The following SLC24A3 variants were observed in gnomAD, a reference collection of about 807,000 sequenced individuals.
SLC24A3 encodes the protein solute carrier family 24 member 3, also known as sodium/potassium/calcium exchanger 3.
Under a neutral mutation model 75.8 loss-of-function variants are expected in SLC24A3, and 28 were observed. That is an observed-to-expected ratio of 0.37 (90% CI 0.27 to 0.51). SLC24A3 has a LOEUF of 0.51. Ranked by LOEUF, SLC24A3 falls within the 20% of genes least tolerant of loss-of-function variation. The pLI is 0.94. For synonymous variants in SLC24A3, 372 were observed against 334.1 expected (o/e 1.11, Z -1.24); for missense variants, 663 against 847.8 (o/e 0.78, Z 2.71).
rs59506629 is a variant in SLC24A3 at position 19,422,192 on chromosome 20, C to G, written c.272-93296C>G. Among the ~76,000 whole-genome samples, 1,466 of 152,226 alleles carry G rather than the reference C, an allele frequency of 9.6e-3. 17 individuals are homozygous for G. Among genetic ancestry groups the G allele is most frequent in the African/African-American group, 0.033 (1,383 of 41,532 alleles). ...TCTCTGAGGGAATCTAAGTCTCCCC[C>G]ACATGGCCAGTAAATGGCAGAGCTC... On this transcript the variant is annotated intron_variant, in intron 2 of 16. Transcript: ENST00000328041.
intron 2 of SLC24A3, among the ~76,000 whole-genome samples, chr20:19,341,125 A>T (rs1194298683): frequency 6.6e-6 from 1 of 152,222 alleles, no homozygotes; most frequent in Non-Finnish European, 1.5e-5. Context: ...GAGGGGCTGA[A>T]CTAATTGGTC....
chr20:19,662,363 C>G (rs977166073), intron 7 of SLC24A3, among the ~76,000 whole-genome samples: 2 of 152,250 alleles, frequency 1.3e-5, no homozygotes, highest in African/African-American at 4.8e-5. Context: ...AGAGTGTTGA[C>G]CCCAGGACAG....
intron 2 of SLC24A3, among the ~76,000 whole-genome samples, chr20:19,361,287 G>A (rs554130545): frequency 1.3e-5 from 2 of 152,330 alleles, no homozygotes; most frequent in East Asian, 3.9e-4. Context: ...CCAGATCTTT[G>A]TTGGGAAAAG....
chr20:19,648,174 C>A (rs2032160516), intron 6 of SLC24A3, among the ~76,000 whole-genome samples: 1 of 152,118 alleles, frequency 6.6e-6, no homozygotes, highest in African/African-American at 2.4e-5. Context: ...GAGGAAAAAC[C>A]CACATCAGGC....
chr20:19,399,644 C>T (rs1235611132), intron 2 of SLC24A3, among the ~76,000 whole-genome samples: 1 of 152,088 alleles, frequency 6.6e-6, no homozygotes, highest in Non-Finnish European at 1.5e-5. Context: ...TTATTATAAT[C>T]GAGGCTAATT....
chr20:19,639,406 T>C (rs1053840772), intron 6 of SLC24A3, among the ~76,000 whole-genome samples: 32 of 152,218 alleles, frequency 2.1e-4, no homozygotes, highest in Non-Finnish European at 3.7e-4. Context: ...AGAGTGTCGA[T>C]TGGTGCATTC....
rs186793052 is a variant in SLC24A3 at position 19,249,818 on chromosome 20, T to C, written c.143-31141T>C. Among the ~76,000 whole-genome samples the C allele has an allele frequency of 3.9e-3, 587 of 152,330 alleles. 5 individuals carry two copies. The highest frequency in any genetic ancestry group is 0.013 in the African/African-American group (542 of 41,578). On this transcript the variant is annotated intron_variant, in intron 1 of 16. Coordinates refer to ENST00000328041, the MANE Select transcript of SLC24A3 (RefSeq NM_020689.4). ...CGGACTGAAGCATTAGGGGCGAAATTTACACTTTTAGCAATTACAGTTAAT... is the reference window on the plus strand; with the variant it reads ...CGGACTGAAGCATTAGGGGCGAAATCTACACTTTTAGCAATTACAGTTAAT...
At chr20:19,520,724 C>T (rs1035617153) in intron 3 of SLC24A3, among the ~76,000 whole-genome samples, 1 of 152,170 alleles carries the variant, frequency 6.6e-6, no homozygotes, top group African/African-American at 2.4e-5. Context: ...GTGGTCTCCC[C>T]TGTTCCCCGC....
intron 1 of SLC24A3, among the ~76,000 whole-genome samples, chr20:19,265,204 G>A (rs1003762524): frequency 2.6e-5 from 4 of 152,204 alleles, no homozygotes; most frequent in African/African-American, 9.7e-5. Flanking sequence ...TATTTTGGGG[G>A]GCTAGGTGTC....
chr20:19,282,307 CA>C (rs1028719269), intron 2 of SLC24A3, among the ~76,000 whole-genome samples: 5 of 152,146 alleles, frequency 3.3e-5, no homozygotes, highest in Admixed American at 1.3e-4. Flanking sequence ...AAAACAAAAA[CA>C]AAAACAAACA....
intron 1 of SLC24A3, among the ~76,000 whole-genome samples, chr20:19,268,490 A>G (rs1226968901): frequency 6.6e-6 from 1 of 152,216 alleles, no homozygotes; most frequent in Non-Finnish European, 1.5e-5. Context: ...TCCAAACGCA[A>G]AGGACCTTAG....
At chr20:19,661,983 C>G (rs911667534) in intron 7 of SLC24A3, among the ~76,000 whole-genome samples, 1 of 152,308 alleles carries the variant, frequency 6.6e-6, no homozygotes, top group East Asian at 1.9e-4. Flanking sequence ...TGGTACCCAG[C>G]CGTTTCTCTG....
At chr20:19,347,734 A>G (rs367983182) in intron 2 of SLC24A3, among the ~76,000 whole-genome samples, 4 of 152,334 alleles carry the variant, frequency 2.6e-5, no homozygotes, top group South Asian at 4.1e-4. Context: ...GAGGTTGTGC[A>G]TGGTGTAGTG....
chr20:19,659,740 C>T (rs551734146), intron 7 of SLC24A3, among the ~76,000 whole-genome samples: 1 of 152,234 alleles, frequency 6.6e-6, no homozygotes, highest in South Asian at 2.1e-4. Flanking sequence ...TGCAGCTCTA[C>T]TGCCCCAATA....
intron 2 of SLC24A3, among the ~76,000 whole-genome samples, chr20:19,322,822 C>G (rs898702531): frequency 6.6e-6 from 1 of 152,144 alleles, no homozygotes; most frequent in African/African-American, 2.4e-5. Flanking sequence ...AGGATGAACT[C>G]TTCTTATCAG....
intron 1 of SLC24A3, among the ~76,000 whole-genome samples, chr20:19,275,097 C>T (rs1983444283): frequency 2.0e-5 from 3 of 152,222 alleles, no homozygotes; most frequent in Admixed American, 6.5e-5. Context: ...TGGTTCTCTG[C>T]ATCCCAGTTT....
intron 2 of SLC24A3, among the ~76,000 whole-genome samples, chr20:19,458,618 A>G (rs1408628402): frequency 6.6e-6 from 1 of 152,194 alleles, no homozygotes; most frequent in African/African-American, 2.4e-5. Context: ...ATATAAGTGG[A>G]ATCATACAGT....
intron 4 of SLC24A3, among the ~76,000 whole-genome samples, chr20:19,580,845 G>T (rs1281445550): frequency 6.6e-6 from 1 of 152,150 alleles, no homozygotes; most frequent in African/African-American, 2.4e-5. Context: ...CGAGAACTCG[G>T]TTTCTTTATG....
intron 2 of SLC24A3, among the ~76,000 whole-genome samples, chr20:19,305,944 C>A (rs1386229289): frequency 6.6e-6 from 1 of 152,122 alleles, no homozygotes; most frequent in Non-Finnish European, 1.5e-5. Flanking sequence ...AAAAAGACAA[C>A]CTACAGAATG....
Sources: allele counts gnomAD v4.1 joint callset (sites outside exome capture counted in the v4.1 genomes callset), GRCh38; gene constraint gnomAD v4.1.1; transcripts MANE v1.5; gene names NCBI Gene and HGNC (gene_info 2026-07-23, HGNC 2026-07-21).